AKAP6: variants seen among roughly 807,000 people sequenced by gnomAD.
AKAP6 encodes A-kinase anchoring protein 6.
Under a neutral mutation model 188.5 loss-of-function variants are expected in AKAP6, and 58 were observed. The ratio of observed to expected loss-of-function variants is 0.31; its 90% confidence interval spans 0.25 to 0.38. The LOEUF (loss-of-function observed/expected upper bound fraction) is 0.38. Ranked by LOEUF, AKAP6 falls within the 10% of genes least tolerant of loss-of-function variation. The pLI, the probability that AKAP6 is intolerant of heterozygous loss-of-function variation, is 1.00. For synonymous variants in AKAP6, 989 were observed against 998.6 expected (o/e 0.99, Z 0.18); for missense variants, 2,710 against 2,740.0 (o/e 0.99, Z 0.24).
rs148730773 is a variant in AKAP6 at position 32,818,248 on chromosome 14, G to A, written c.3589-3154G>A. Among the ~76,000 whole-genome samples, 276 of 152,140 alleles carry A rather than the reference G, an allele frequency of 1.8e-3. 1 individual carries two copies. The highest frequency in any genetic ancestry group is 6.3e-3 in the African/African-American group (260 of 41,520). On this transcript the variant is annotated intron_variant, in intron 12 of 13. Transcript: ENST00000280979. The stretch of plus-strand genomic sequence containing the variant: ...TTATAAGAGCAGAGAGTTAATAAAA[G>A]AACAGTATTACATCCAAAAGTTTAA...
intron 11 of AKAP6, among the ~76,000 whole-genome samples, chr14:32,770,786 T>G (rs1259693746): frequency 6.6e-6 from 1 of 152,258 alleles, no homozygotes; most frequent in Non-Finnish European, 1.5e-5. Flanking sequence ...TATAGTTTAC[T>G]TCCAGTAGAC....
intron 5 of AKAP6, among the ~76,000 whole-genome samples, chr14:32,591,168 G>A (rs1242538451): frequency 6.6e-6 from 1 of 152,158 alleles, no homozygotes; most frequent in Non-Finnish European, 1.5e-5. Context: ...ACCTCAGGGG[G>A]TAGAGAAATA....
At chr14:32,689,037 C>T (rs1890050573) in intron 8 of AKAP6, among the ~76,000 whole-genome samples, 1 of 152,184 alleles carries the variant, frequency 6.6e-6, no homozygotes, top group Admixed American at 6.5e-5. Context: ...CCCCTCTTAA[C>T]ACACAAATGA....
At chr14:32,762,973 A>T (rs1458324655) in intron 11 of AKAP6, among the ~76,000 whole-genome samples, 1 of 152,114 alleles carries the variant, frequency 6.6e-6, no homozygotes, top group Non-Finnish European at 1.5e-5. Context: ...TTTTCTTAAA[A>T]ATGAAAAGAC....
intron 2 of AKAP6, among the ~76,000 whole-genome samples, chr14:32,485,653 T>C (rs548687493): frequency 1.1e-5 from 1 of 89,076 alleles, no homozygotes; most frequent in East Asian, 6.1e-4. Context: ...CACCTTTTAA[T>C]GGGGTTGTTT....
chr14:32,774,685 G>T (rs965948016), intron 12 of AKAP6, among the ~76,000 whole-genome samples: 2 of 152,110 alleles, frequency 1.3e-5, no homozygotes, highest in African/African-American at 4.8e-5. Context: ...AAATGACCTT[G>T]AGGTCAATGT....
chr14:32,349,854 G>C (rs918256759), intron 1 of AKAP6, among the ~76,000 whole-genome samples: 5 of 152,156 alleles, frequency 3.3e-5, no homozygotes, highest in African/African-American at 4.8e-5. Flanking sequence ...GTATCATGTA[G>C]TTCAAGAATG....
At chr14:32,417,309 C>T (rs1889689696) in intron 1 of AKAP6, among the ~76,000 whole-genome samples, 1 of 152,080 alleles carries the variant, frequency 6.6e-6, no homozygotes, top group Non-Finnish European at 1.5e-5. Flanking sequence ...TAAATCTTGT[C>T]ATATTTTAAC....
intron 3 of AKAP6, among the ~76,000 whole-genome samples, chr14:32,539,328 G>A (rs545667439): frequency 2.8e-4 from 43 of 152,238 alleles, no homozygotes; most frequent in Non-Finnish European, 5.4e-4. Flanking sequence ...TACCTTCTGC[G>A]TGGGGATGCA....
At position 32,833,843 on chromosome 14, in the gene AKAP6, A is replaced by G. The variant is rs1240438359; in HGVS notation, c.*4038A>G. ...TCTACATATTCTTTTTTCAATTTTC[A>G]TTTTGAAAAAATTCAGACCTATGTA... On this transcript the variant is annotated 3_prime_UTR_variant, in exon 14 of 14. Transcript: ENST00000280979. 6.6e-6 allele frequency: 1 copy of G among 152,128 alleles called. No homozygotes were observed. Among genetic ancestry groups the G allele is most frequent in the Non-Finnish European group, 1.5e-5 (1 of 68,012 alleles). 9.4% of individuals were successfully genotyped at this position (152,128 alleles called of 1,614,324 possible). A position where few individuals can be genotyped will look rare whatever the true frequency, so the allele number is the denominator to read the frequency against.
chr14:32,401,100 C>CA (rs1435440840), intron 1 of AKAP6, among the ~76,000 whole-genome samples: 3 of 152,160 alleles, frequency 2.0e-5, no homozygotes, highest in African/African-American at 7.2e-5. Flanking sequence ...CTAGAACTGT[C>CA]ACAGGCCTCT....
intron 12 of AKAP6, among the ~76,000 whole-genome samples, chr14:32,809,076 A>G (rs1196137172): frequency 6.6e-6 from 1 of 152,172 alleles, no homozygotes; most frequent in Non-Finnish European, 1.5e-5. Flanking sequence ...GTTAAAATAT[A>G]ATGAGCATGC....
rs184834914 is a variant in AKAP6 at position 32,726,665 on chromosome 14, A to G, written c.3001-5789A>G. ...TTAATGTGAAAGCACTACAATGCCT[A>G]TGCAACTTCTCTTGCCTAGTGGTGC... On this transcript the variant is annotated intron_variant, in intron 9 of 13. Coordinates refer to ENST00000280979, the MANE Select transcript of AKAP6 (RefSeq NM_004274.5). Among the ~76,000 whole-genome samples, 12 of 152,366 alleles carry G rather than the reference A, an allele frequency of 7.9e-5. No homozygotes were observed. In the East Asian group the frequency reaches 2.1e-3, roughly 27 times the overall value.
chr14:32,466,775 T>C (rs923104789), intron 2 of AKAP6, among the ~76,000 whole-genome samples: 1 of 142,988 alleles, frequency 7.0e-6, no homozygotes, highest in African/African-American at 2.7e-5. Flanking sequence ...AACCAATCGA[T>C]GTGTAGACCC....
chr14:32,575,444 A>G (rs889482197), intron 4 of AKAP6, among the ~76,000 whole-genome samples: 4 of 152,138 alleles, frequency 2.6e-5, no homozygotes, highest in South Asian at 4.1e-4. Context: ...CTGAGTGATG[A>G]CCAACAGAAA....
intron 1 of AKAP6, among the ~76,000 whole-genome samples, chr14:32,378,249 A>C (rs1888224659): frequency 6.6e-6 from 1 of 152,250 alleles, no homozygotes; most frequent in African/African-American, 2.4e-5. Flanking sequence ...ATTTAGAGCA[A>C]GTATTAGATT....
chr14:32,539,196 A>G (rs1882812549), intron 3 of AKAP6, among the ~76,000 whole-genome samples: 1 of 152,206 alleles, frequency 6.6e-6, no homozygotes, highest in African/African-American at 2.4e-5. Context: ...ATTGGGGTCA[A>G]GAGAGGTAAT....
At chr14:32,469,713 A>AT (rs765458547) in intron 2 of AKAP6, among the ~76,000 whole-genome samples, 28 of 62,838 alleles carry the variant, frequency 4.5e-4, no homozygotes, top group Admixed American at 2.5e-3. Context: ...AATGTCACAA[A>AT]TTTTTTTTTT....
intron 1 of AKAP6, among the ~76,000 whole-genome samples, chr14:32,381,565 G>C (rs1888362044): frequency 6.6e-6 from 1 of 151,984 alleles, no homozygotes; most frequent in African/African-American, 2.4e-5. Context: ...GGCCATTAAA[G>C]GAAAGGAAAA....
Sources: gnomAD v4.1 joint callset for allele counts (sites outside exome capture counted in the v4.1 genomes callset) on GRCh38, gnomAD v4.1.1 for gene constraint, MANE v1.5 for transcripts, NCBI Gene and HGNC (gene_info 2026-07-23, HGNC 2026-07-21) for gene names.